DET1: variants seen among roughly 807,000 people sequenced by gnomAD.
DET1 encodes the protein DET1 homolog.
A neutral mutation model predicts 43.7 loss-of-function variants in DET1; 22 were observed. That is an observed-to-expected ratio of 0.50 (90% CI 0.36 to 0.72). DET1 has a LOEUF of 0.72. DET1 is among the 30% of genes least tolerant of loss of function. The pLI is 0.00. For missense variants in DET1, 713 were observed against 713.3 expected, an observed-to-expected ratio of 1.00 and a Z score of 0.00; for synonymous variants, 315 against 266.2, an observed-to-expected ratio of 1.18 and a Z score of -1.79.
intron 3 of DET1, among the ~76,000 whole-genome samples, chr15:88,518,245 A>G (rs1319846157): frequency 6.6e-6 from 1 of 152,050 alleles, no homozygotes; most frequent in East Asian, 1.9e-4. Context: ...CCTGGCCACA[A>G]AACTAAATTT....
At chr15:88,515,561 A>AAAAAAAAAAAAAAAAAAC in intron 4 of DET1, among the ~76,000 whole-genome samples, 1 of 150,058 alleles carries the variant, frequency 6.7e-6, no homozygotes, top group South Asian at 2.1e-4. Context: ...AAAAAAAAAA[A>AAAAAAAAAAAAAAAAAAC]AAAAAAAGAC....
chr15:88,541,026 G>C (rs1422423432), intron 1 of DET1, among the ~76,000 whole-genome samples: 1 of 65,096 alleles, frequency 1.5e-5, no homozygotes, highest in Non-Finnish European at 2.6e-5. Flanking sequence ...TCTTGCAGTT[G>C]AGACAAGAGG....
chr15:88,530,504 A>T, intron 2 of DET1, 119 bp downstream of exon 2: 1 of 1,469,448 alleles, frequency 6.8e-7, no homozygotes. Context: ...GGGCCCTAGG[A>T]TATCAATTCA....
downstream of DET1, chr15:88,511,462 C>G: frequency 2.0e-6 from 2 of 985,440 alleles, no homozygotes; most frequent in Non-Finnish European, 2.4e-6. Context: ...TTTGTATATG[C>G]TGGGCCTCTC....
chr15:88,514,439 G>T (rs1169667043), intron 4 of DET1, among the ~76,000 whole-genome samples: 5 of 152,128 alleles, frequency 3.3e-5, no homozygotes, highest in Non-Finnish European at 7.3e-5. Context: ...TCATATCCAA[G>T]AATTTATATC....
rs2056819748 is a variant in DET1, at chr15:88,531,686, G to A, written c.20C>T (p.Thr7Ile). ...GTTTTGGATTCTTCGAGGCTTGATG[G>A]TAGAAACATGATGATCCATTATCAC... is the stretch of plus-strand genomic sequence containing the variant. MDHHVS[T>I]IKPRRIQNQN... The change falls in exon 2 of 5, where the codon ACC (threonine) becomes ATC (isoleucine). Residue 7 changes from threonine (T) to isoleucine (I), a missense_variant. Transcript: ENST00000268148. This position sits in a 1 kb window ranked among gnomAD's most constrained non-coding sequence, Gnocchi z 6.2. 1.2e-6 allele frequency: 2 copies of A among 1,609,288 alleles called. No homozygotes were observed. The highest frequency in any genetic ancestry group is 1.7e-6 in the Non-Finnish European group (2 of 1,175,916).
intron 4 of DET1, among the ~76,000 whole-genome samples, chr15:88,514,576 T>C (rs1425145921): frequency 6.6e-6 from 1 of 152,232 alleles, no homozygotes; most frequent in African/African-American, 2.4e-5. Flanking sequence ...AAATAAATCA[T>C]GGTACATCTA....
downstream of DET1, among the ~76,000 whole-genome samples, chr15:88,509,780 T>G (rs1475034404): frequency 6.6e-6 from 1 of 152,184 alleles, no homozygotes; most frequent in East Asian, 1.9e-4. Flanking sequence ...CTCCCTTGCT[T>G]GTTAAGTGGC....
intron 1 of DET1, among the ~76,000 whole-genome samples, chr15:88,532,428 CT>C (rs1809080231): frequency 6.6e-6 from 1 of 152,176 alleles, no homozygotes; most frequent in Non-Finnish European, 1.5e-5. Flanking sequence ...TATCAAAATC[CT>C]AATAGCACTT....
Position 88,527,732 on chromosome 15 carries a change from C to G in DET1, c.1138G>C (p.Glu380Gln), listed in dbSNP as rs1213492064. The change falls in exon 3 of 5, where the codon GAG (glutamate) becomes CAG (glutamine). Residue 380 changes from glutamate to glutamine, a missense_variant. Physicochemically the swap from Glu to Gln is conservative, Grantham distance 29. Coordinates refer to ENST00000268148, the MANE Select transcript of DET1 (RefSeq NM_001144074.3). ...MVTTEVIAVF[E>Q]NTSDELLELF... ...TCCAAAAGCTCATCTGATGTATTCT[C>G]AAACACAGCAATCACCTCTGTCGTC... 1.2e-6 allele frequency: 2 copies of G among 1,613,576 alleles called. No homozygotes were observed. The highest frequency in any genetic ancestry group is 1.1e-5 in the South Asian group (1 of 91,034).
chr15:88,540,821 A>T (rs2057087073), intron 1 of DET1, among the ~76,000 whole-genome samples: 1 of 135,304 alleles, frequency 7.4e-6, no homozygotes, highest in African/African-American at 3.0e-5. Context: ...CCCTAATCTC[A>T]AGTACCCAGG....
intron 1 of DET1, among the ~76,000 whole-genome samples, chr15:88,533,552 G>A (rs938107590): frequency 1.3e-5 from 2 of 152,152 alleles, no homozygotes; most frequent in Non-Finnish European, 2.9e-5. Context: ...TGATGGATGA[G>A]TGGATAAACA....
downstream of DET1, among the ~76,000 whole-genome samples, chr15:88,507,757 T>C (rs762374241): frequency 1.3e-5 from 2 of 152,196 alleles, no homozygotes; most frequent in Non-Finnish European, 2.9e-5. Flanking sequence ...AGGATGAAGC[T>C]GATTTTCTGG....
chr15:88,502,423 G>A (rs554089914), intron 8 of DET1: 4 of 152,084 alleles, frequency 2.6e-5, no homozygotes, highest in Non-Finnish European at 5.9e-5. Flanking sequence ...CTCACTCTGG[G>A]AAGTTAATGA....
intron 3 of DET1, among the ~76,000 whole-genome samples, chr15:88,521,648 A>G: frequency 6.6e-6 from 1 of 152,066 alleles, no homozygotes; most frequent in East Asian, 1.9e-4. Context: ...TCTCCATTCC[A>G]CCCTATTATT....
chr15:88,529,190 T>A (rs1024145694), intron 2 of DET1, among the ~76,000 whole-genome samples: 14 of 152,140 alleles, frequency 9.2e-5, no homozygotes, highest in African/African-American at 3.4e-4. Flanking sequence ...CCCTCCAAAA[T>A]AAAAAGGTAA....
chr15:88,511,242 T>C (rs961691978), downstream of DET1, among the ~76,000 whole-genome samples: 40 of 152,162 alleles, frequency 2.6e-4, no homozygotes, highest in African/African-American at 8.9e-4. Context: ...CTCTACTCTC[T>C]ATTCCCTCCA....
chr15:88,524,559 A>G (rs1271430905), intron 3 of DET1, among the ~76,000 whole-genome samples: 4 of 152,236 alleles, frequency 2.6e-5, no homozygotes, highest in African/African-American at 7.2e-5. Context: ...TCAGATTGTT[A>G]CTGTGTCTGT....
chr15:88,518,575 A>G (rs2056409117), intron 3 of DET1, among the ~76,000 whole-genome samples: 1 of 152,162 alleles, frequency 6.6e-6, no homozygotes, highest in South Asian at 2.1e-4. Context: ...GACATTTTGA[A>G]TTTTTTCCTT....
Sources: gnomAD v4.1 joint callset for allele counts (sites outside exome capture counted in the v4.1 genomes callset) on GRCh38, gnomAD v4.1.1 for gene constraint, Gnocchi (gnomAD v3.1) non-coding constraint, MANE v1.5 for transcripts, NCBI Gene and HGNC (gene_info 2026-07-23, HGNC 2026-07-21) for gene names.